CKAP5: variants seen among roughly 807,000 people sequenced by gnomAD.
CKAP5 encodes cytoskeleton associated protein 5.
A neutral mutation model predicts 232.8 loss-of-function variants in CKAP5; 27 were observed. That is an observed-to-expected ratio of 0.12 (90% CI 0.09 to 0.16). The LOEUF is 0.16. Ranked by LOEUF, CKAP5 falls within the 10% of genes least tolerant of loss-of-function variation. The pLI is 1.00. For missense variants in CKAP5, 1,838 were observed against 2,424.7 expected, an observed-to-expected ratio of 0.76 and a Z score of 5.08; for synonymous variants, 785 against 841.1, an observed-to-expected ratio of 0.93 and a Z score of 1.16.
intron 42 of CKAP5, among the ~76,000 whole-genome samples, chr11:46,747,099 C>T (rs2065028186): frequency 6.6e-6 from 1 of 151,932 alleles, no homozygotes; most frequent in Non-Finnish European, 1.5e-5. Flanking sequence ...ATCGTCACTG[C>T]ATTCCAGCCT....
At chr11:46,770,342 A>G in intron 25 of CKAP5, 2 of 501,096 alleles carry the variant, frequency 4.0e-6, no homozygotes, top group Non-Finnish European at 7.0e-6. Context: ...TTACTTCTAC[A>G]CTGCTTAATA....
intron 42 of CKAP5, among the ~76,000 whole-genome samples, chr11:46,745,792 A>G (rs952458989): frequency 6.6e-6 from 1 of 152,026 alleles, no homozygotes; most frequent in Admixed American, 6.6e-5. Context: ...CTCTTAAAAA[A>G]AATTCAAAAA....
intron 26 of CKAP5, among the ~76,000 whole-genome samples, chr11:46,769,164 T>C (rs191867714): frequency 6.6e-6 from 1 of 152,104 alleles, no homozygotes; most frequent in Non-Finnish European, 1.5e-5. Flanking sequence ...AATGATCCAC[T>C]GGCCTTGGCC....
intron 42 of CKAP5, among the ~76,000 whole-genome samples, chr11:46,749,731 A>G (rs1592430293): frequency 6.6e-6 from 1 of 152,006 alleles, no homozygotes; most frequent in Non-Finnish European, 1.5e-5. Flanking sequence ...AGGCGGGCGG[A>G]TCACCTGAGG....
intron 1 of CKAP5, among the ~76,000 whole-genome samples, chr11:46,833,493 G>T (rs6485697): frequency 0.66 from 95,826 of 144,240 alleles, 32,619 homozygotes; most frequent in Non-Finnish European, 0.76. Flanking sequence ...TTTTTTTTTT[G>T]TTTTGAGACG....
rs527836064 is a variant in CKAP5, at chr11:46,795,689, C to T, written c.1555G>A (p.Gly519Arg). 24 of 1,614,082 alleles carry T rather than the reference C, an allele frequency of 1.5e-5. No homozygotes were observed. In the South Asian group the frequency reaches 2.6e-4, roughly 18 times the overall value. Residue 519 changes from glycine (G) to arginine (R), a missense_variant, in exon 13 of 44, where the codon GGA becomes AGA. This residue lies in a region of CKAP5 where 767 missense variants were observed against 954.6 expected (regional missense o/e 0.80). Transcript: ENST00000529230. ...ADKKEFKPLP[G>R]RTAASGAAGD... ...GCAGCCCCTGAAGCAGCAGTCCTTC[C>T]AGGCAGAGGTTTGAATTCCTTCTTA...
chr11:46,806,921 T>C (rs905921385), intron 8 of CKAP5, among the ~76,000 whole-genome samples: 11 of 152,342 alleles, frequency 7.2e-5, no homozygotes, highest in African/African-American at 2.4e-4. Flanking sequence ...GTCTTTTTCA[T>C]GGTTTATTCA....
At chr11:46,812,340 A>T (rs1412207218) in intron 4 of CKAP5, among the ~76,000 whole-genome samples, 13 of 152,154 alleles carry the variant, frequency 8.5e-5, no homozygotes, top group Non-Finnish European at 1.3e-4. Context: ...GTCTCAAAAA[A>T]AAAATAAAAT....
rs78383048 is a variant in CKAP5 at position 46,795,476 on chromosome 11, G to A, written c.1650+118C>T. 3.1e-4 allele frequency: 238 copies of A among 766,226 alleles called. 1 individual carries two copies. In the East Asian group the frequency reaches 5.4e-3, roughly 17 times the overall value. 47.5% of individuals were successfully genotyped at this position (766,226 alleles called of 1,614,324 possible). ...TATCTTCATTAACAGATTTTCTGCT[G>A]TATTTTTAATGTGGCCAATGAATTC... On this transcript the variant is annotated intron_variant, in intron 13 of 43. Transcript: ENST00000529230.
At chr11:46,791,898 G>T (rs967934699) in intron 13 of CKAP5, among the ~76,000 whole-genome samples, 1 of 152,056 alleles carries the variant, frequency 6.6e-6, no homozygotes, top group Non-Finnish European at 1.5e-5. Context: ...AAATGAAAGG[G>T]GATCAAATTA....
At chr11:46,823,392 GT>G (rs1310493756) in intron 1 of CKAP5, among the ~76,000 whole-genome samples, 1 of 151,728 alleles carries the variant, frequency 6.6e-6, no homozygotes, top group African/African-American at 2.4e-5. Context: ...TACGTATCCA[GT>G]TTTTTTTCAA....
intron 4 of CKAP5, among the ~76,000 whole-genome samples, chr11:46,811,742 G>T (rs1048730392): frequency 1.3e-5 from 2 of 152,100 alleles, no homozygotes; most frequent in Non-Finnish European, 2.9e-5. Flanking sequence ...CTCCTAAAGT[G>T]CTGGATTACA....
intron 1 of CKAP5, among the ~76,000 whole-genome samples, chr11:46,841,281 A>C (rs1940045932): frequency 6.6e-6 from 1 of 152,008 alleles, no homozygotes; most frequent in Non-Finnish European, 1.5e-5. Context: ...AAAAAAAAAA[A>C]AGGTGTCAGA....
rs143256169 is a variant in CKAP5 at position 46,780,309 on chromosome 11, G to A, written c.2318C>T (p.Thr773Ile). ...CACGCCAAGCAGGGTTATGGCAGCA[G>A]TCCTCACAGCCTGCCAGACAGAAGA... ...ALAATNPAVRTAAITLLGVMY... is the reference protein window; with the variant it reads ...ALAATNPAVRIAAITLLGVMY... The change falls in exon 20 of 44, where the codon ACT becomes ATT. Residue 773 changes from threonine to isoleucine, a missense_variant. Physicochemically the swap from Thr to Ile is moderately conservative, Grantham distance 89. This residue lies in a region of CKAP5 where 767 missense variants were observed against 954.6 expected (regional missense o/e 0.80). Coordinates refer to ENST00000529230, the MANE Select transcript of CKAP5 (RefSeq NM_001008938.4). The A allele has an allele frequency of 9.0e-4, 1,448 of 1,614,060 alleles. No individual in the cohort carries two copies. The highest frequency in any genetic ancestry group is 1.2e-3 in the Non-Finnish European group (1,404 of 1,179,984).
rs531174068 is a variant in CKAP5 at position 46,780,338 on chromosome 11, A to G, written c.2308-19T>C. ...TCACAGCCTGCCAGACAGAAGAAAA[A>G]TAACTTTTTAAATCACAAAGATGGC... is the stretch of plus-strand genomic sequence containing the variant. On this transcript the variant is annotated intron_variant, in intron 19 of 43. Transcript: ENST00000529230. The G allele has an allele frequency of 1.7e-5, 28 of 1,613,876 alleles. No individual in the cohort carries two copies. The South Asian group carries it at 2.3e-4, about 13-fold the overall frequency.
Position 46,818,520 on chromosome 11 carries a change from A to G in CKAP5, c.58-17T>C. The G allele has an allele frequency of 6.6e-7, 1 of 1,504,252 alleles. No individual in the cohort carries two copies. The highest frequency in any genetic ancestry group is 8.9e-7 in the Non-Finnish European group (1 of 1,126,426). 93.2% of individuals were successfully genotyped at this position (1,504,252 alleles called of 1,614,324 possible). On this transcript the variant is annotated splice_polypyrimidine_tract_variant and intron_variant, in intron 2 of 43. Coordinates refer to ENST00000529230, the MANE Select transcript of CKAP5 (RefSeq NM_001008938.4). The stretch of plus-strand genomic sequence containing the variant: ...TTTCCACAGCTAAAAGAAAAGTAGT[A>G]TTTTGAAACAAAACATAATTTAATG...
At chr11:46,818,051 A>G (rs112529630) in intron 3 of CKAP5, among the ~76,000 whole-genome samples, 4 of 152,226 alleles carry the variant, frequency 2.6e-5, no homozygotes, top group African/African-American at 7.2e-5. Context: ...AAAAAGCTTA[A>G]AAGGAAAACC....
At chr11:46,831,109 A>C (rs972836732) in intron 1 of CKAP5, among the ~76,000 whole-genome samples, 1 of 152,178 alleles carries the variant, frequency 6.6e-6, no homozygotes, top group African/African-American at 2.4e-5. Flanking sequence ...GAGTGTGTCT[A>C]AGGGTTAAGC....
At chr11:46,769,875 T>A in intron 26 of CKAP5, 88 bp downstream of exon 26, 1 of 1,418,052 alleles carries the variant, frequency 7.1e-7, no homozygotes, top group Non-Finnish European at 9.9e-7. Flanking sequence ...TGTAAGGAAA[T>A]GTGATTTAAA....
Sources: allele counts gnomAD v4.1 joint callset (sites outside exome capture counted in the v4.1 genomes callset), GRCh38; gene constraint gnomAD v4.1.1; regional missense constraint gnomAD v4.1.1; transcripts MANE v1.5; gene names NCBI Gene and HGNC (gene_info 2026-07-23, HGNC 2026-07-21).